The following TSPEAR variants were observed in gnomAD, a reference collection of about 807,000 sequenced individuals.
TSPEAR encodes thrombospondin type laminin G domain and EAR repeats.
TSPEAR carries 69 observed loss-of-function variants against 71.6 expected under a neutral mutation model. The ratio of observed to expected loss-of-function variants is 0.96; its 90% CI spans 0.79 to 1.18. The LOEUF (loss-of-function observed/expected upper bound fraction) is 1.18, where lower values mean the gene tolerates loss of function less well. Ranked by LOEUF, TSPEAR falls within the 50% of genes most tolerant of loss-of-function variation. The probability of loss-of-function intolerance (pLI) is 0.00; values close to 1 mark genes in which losing one functional copy is unlikely to be tolerated. For missense variants in TSPEAR, 971 were observed against 894.9 expected, an observed-to-expected ratio of 1.09 and a Z score of -1.09; for synonymous variants, 402 against 387.2, an observed-to-expected ratio of 1.04 and a Z score of -0.45.
intron 2 of TSPEAR, chr21:44,551,641 G>T (rs1266871644): frequency 1.2e-6 from 1 of 838,396 alleles, no homozygotes; most frequent in African/African-American, 1.7e-5. Flanking sequence ...TTGGAGCCGG[G>T]AGGACCCTCA....
At chr21:44,528,345 G>A in intron 6 of TSPEAR, 107 bp downstream of exon 6, 1 of 1,499,304 alleles carries the variant, frequency 6.7e-7, no homozygotes, top group South Asian at 1.2e-5. Context: ...CCAAGCCTGA[G>A]GTCATTCAGA....
rs1982580309 is a variant in TSPEAR, at chr21:44,623,502, T to C, written c.83-55497A>G. Among the ~76,000 whole-genome samples the C allele has an allele frequency of 6.6e-6, 1 of 152,236 alleles. No individual in the cohort carries two copies. The highest frequency in any genetic ancestry group is 1.5e-5 in the Non-Finnish European group (1 of 68,030). ...GTAAATATTCATTTAGATTTCCCCA[T>C]GTTGTCCTCCTTTTGTTACACTTCA... On this transcript the variant is annotated intron_variant, in intron 1 of 11. Transcript: ENST00000323084. The surrounding 1 kb of genome is among the most constrained non-coding windows in gnomAD (Gnocchi z 4.5).
intron 1 of TSPEAR, chr21:44,573,591 G>GC (rs1978293147): frequency 8.6e-7 from 1 of 1,163,458 alleles, no homozygotes; most frequent in Admixed American, 2.5e-5. Context: ...TTCTCCTGGA[G>GC]CTGGCTGTAC....
At chr21:44,580,432 G>A (rs1978872657) in intron 1 of TSPEAR, 1 of 1,613,052 alleles carries the variant, frequency 6.2e-7, no homozygotes, top group African/African-American at 1.3e-5. Flanking sequence ...GGCAGCAGGG[G>A]CTGGACACAC....
intron 1 of TSPEAR, among the ~76,000 whole-genome samples, chr21:44,578,531 G>A (rs587648645): frequency 2.0e-4 from 31 of 152,292 alleles, no homozygotes; most frequent in Admixed American, 3.3e-4. Flanking sequence ...GTGTCGGCGA[G>A]GGTGCTAGGG....
At chr21:44,646,124 CAAAAAAA>C (rs55672014) in intron 1 of TSPEAR, among the ~76,000 whole-genome samples, 495 of 31,176 alleles carry the variant, frequency 0.016, 1 homozygote, top group Admixed American at 0.028. Flanking sequence ...GACTCCCTCT[CAAAAAAA>C]AAAAAAAAAA....
At chr21:44,532,180 A>G (rs2052987064) in intron 3 of TSPEAR, among the ~76,000 whole-genome samples, 1 of 152,192 alleles carries the variant, frequency 6.6e-6, no homozygotes, top group African/African-American at 2.4e-5. Context: ...GTGACTCCCC[A>G]TGTCCCACCA....
In TSPEAR at chr21:44,511,787, C is replaced by G. The variant is rs2052387553; in HGVS notation, c.1567-2401G>C. ...CGGGGCCAGAACAGCCTGAAACTCC[C>G]TCTCAGGGAAAGGCCCGGAGTGCCC... On this transcript the variant is annotated intron_variant, in intron 9 of 11. Coordinates refer to ENST00000323084, the MANE Select transcript of TSPEAR (RefSeq NM_144991.3). Among the ~76,000 whole-genome samples the G allele has an allele frequency of 2.0e-5, 3 of 152,392 alleles. No homozygotes were observed. In the South Asian group the frequency reaches 6.2e-4, roughly 32 times the overall value.
At chr21:44,681,868 T>G in intron 1 of TSPEAR, 1 of 1,613,942 alleles carries the variant, frequency 6.2e-7, no homozygotes, top group East Asian at 2.2e-5. Context: ...GAGATGGGTC[T>G]GCAGAGGACG....
intron 1 of TSPEAR, among the ~76,000 whole-genome samples, chr21:44,603,477 C>T (rs1409811488): frequency 6.6e-6 from 1 of 152,152 alleles, no homozygotes; most frequent in African/African-American, 2.4e-5. Context: ...TCTGCGGATC[C>T]CAGACTCGGC....
chr21:44,647,348 G>A, intron 1 of TSPEAR: 1 of 1,613,460 alleles, frequency 6.2e-7, no homozygotes. Flanking sequence ...AAGAAGTCCA[G>A]CTGCTGAGTG....
At chr21:44,658,425 T>C (rs9974195) in intron 1 of TSPEAR, 513,434 of 703,324 alleles carry the variant, frequency 0.73, 189,325 homozygotes, top group African/African-American at 0.89. Context: ...ATTCAGACCT[T>C]CCATGACCCT....
chr21:44,504,533 G>GCAGCTCA (rs1569148894), intron 11 of TSPEAR, among the ~76,000 whole-genome samples: 17 of 144,318 alleles, frequency 1.2e-4, no homozygotes, highest in African/African-American at 3.8e-4. Flanking sequence ...GCCGGCCTCG[G>GCAGCTCA]TGAGCCCACA....
At chr21:44,530,017 G>T in intron 4 of TSPEAR, 63 bp from the exon 5 acceptor site, 1 of 1,462,584 alleles carries the variant, frequency 6.8e-7, no homozygotes, top group South Asian at 1.4e-5. Flanking sequence ...CTGAGGAGGC[G>T]ACCACTGAGC....
chr21:44,703,281 C>G (rs782441520), intron 1 of TSPEAR, among the ~76,000 whole-genome samples: 1 of 152,244 alleles, frequency 6.6e-6, no homozygotes, highest in South Asian at 2.1e-4. Flanking sequence ...GCTGAGTTCC[C>G]GGCTCCCATC....
intron 1 of TSPEAR, among the ~76,000 whole-genome samples, chr21:44,628,458 C>T (rs1983041409): frequency 6.6e-6 from 1 of 151,818 alleles, no homozygotes; most frequent in Non-Finnish European, 1.5e-5. Context: ...GGGCTGGGCC[C>T]CGTGGATCTC....
chr21:44,635,410 A>G (rs1983497540), intron 1 of TSPEAR, among the ~76,000 whole-genome samples: 1 of 152,138 alleles, frequency 6.6e-6, no homozygotes. Context: ...AAAGTTGAAA[A>G]GAACCCAAAA....
intron 8 of TSPEAR, among the ~76,000 whole-genome samples, chr21:44,524,108 TAGTC>T (rs782503948): frequency 1.1e-4 from 17 of 149,404 alleles, no homozygotes; most frequent in African/African-American, 2.3e-4. Context: ...GGTAGTCAGG[TAGTC>T]AGTCAGATAG....
At chr21:44,685,372 C>T (rs1237190782) in intron 1 of TSPEAR, among the ~76,000 whole-genome samples, 7 of 151,884 alleles carry the variant, frequency 4.6e-5, no homozygotes, top group South Asian at 2.1e-4. Context: ...CACTCCTGCC[C>T]GCTGCTTCCC....
Sources: gnomAD v4.1 joint callset for allele counts (sites outside exome capture counted in the v4.1 genomes callset) on GRCh38, gnomAD v4.1.1 for gene constraint, Gnocchi (gnomAD v3.1) non-coding constraint, MANE v1.5 for transcripts, NCBI Gene and HGNC (gene_info 2026-07-23, HGNC 2026-07-21) for gene names.